FNDC3A: variants seen among roughly 807,000 people sequenced by gnomAD.
The protein encoded by FNDC3A is fibronectin type-III domain-containing protein 3A.
A neutral mutation model predicts 148.9 loss-of-function variants in FNDC3A; 32 were observed. The observed-to-expected ratio is 0.21, with a 90% confidence interval of 0.16 to 0.29. The LOEUF (loss-of-function observed/expected upper bound fraction) is 0.29, where lower values mean the gene tolerates loss of function less well. FNDC3A is among the 10% of genes least tolerant of loss of function. The pLI, the probability that FNDC3A is intolerant of heterozygous loss-of-function variation, is 1.00. For synonymous variants in FNDC3A, 472 were observed against 473.6 expected, an observed-to-expected ratio of 1.00 and a Z score of 0.04; for missense variants, 1,191 against 1,452.8, an observed-to-expected ratio of 0.82 and a Z score of 2.93.
intron 2 of FNDC3A, among the ~76,000 whole-genome samples, chr13:49,070,130 TTTTA>T (rs1391255555): frequency 6.6e-6 from 1 of 152,062 alleles, no homozygotes; most frequent in African/African-American, 2.4e-5. Flanking sequence ...TAAAATTTAT[TTTTA>T]TTTATTTATT....
intron 2 of FNDC3A, among the ~76,000 whole-genome samples, chr13:49,073,102 A>T (rs572885214): frequency 9.8e-4 from 150 of 152,356 alleles, no homozygotes; most frequent in African/African-American, 3.5e-3. Flanking sequence ...TGGACAGCAC[A>T]GCTGTAGATG....
intron 9 of FNDC3A, among the ~76,000 whole-genome samples, chr13:49,168,132 T>C (rs1884572828): frequency 1.3e-5 from 2 of 152,170 alleles, no homozygotes; most frequent in Non-Finnish European, 2.9e-5. Flanking sequence ...CCCCCATTTT[T>C]AAAAAGAGCA....
intron 19 of FNDC3A, among the ~76,000 whole-genome samples, chr13:49,192,718 C>T (rs1223360403): frequency 6.6e-6 from 1 of 152,180 alleles, no homozygotes; most frequent in Non-Finnish European, 1.5e-5. Flanking sequence ...ATCTTTAATA[C>T]TTACGTCTTA....
intron 2 of FNDC3A, among the ~76,000 whole-genome samples, chr13:49,047,240 T>TA (rs1246241811): frequency 6.6e-6 from 1 of 152,158 alleles, no homozygotes; most frequent in African/African-American, 2.4e-5. Context: ...TTGGGCTGGT[T>TA]ACATATTTTT....
chr13:49,132,682 T>C (rs913982915), intron 5 of FNDC3A, among the ~76,000 whole-genome samples: 8 of 152,364 alleles, frequency 5.3e-5, no homozygotes, highest in African/African-American at 1.9e-4. Flanking sequence ...TGCTTCCCCT[T>C]AGTCCCCTTA....
intron 5 of FNDC3A, 146 bp from the exon 6 acceptor site, chr13:49,136,186 A>T (rs963760123): frequency 1.7e-6 from 1 of 603,866 alleles, no homozygotes; most frequent in Non-Finnish European, 2.8e-6. Flanking sequence ...GTTTATGGAG[A>T]CACAAAGGTT....
chr13:49,150,165 C>T (rs1883206788), intron 8 of FNDC3A, among the ~76,000 whole-genome samples: 1 of 152,168 alleles, frequency 6.6e-6, no homozygotes, highest in African/African-American at 2.4e-5. Flanking sequence ...ACTCAAACTC[C>T]TGGGCTCAAG....
chr13:48,979,867 T>TTGTTGTCTCAAGAGCC (rs1951667124), intron 1 of FNDC3A, among the ~76,000 whole-genome samples: 1 of 152,168 alleles, frequency 6.6e-6, no homozygotes, highest in Admixed American at 6.5e-5. Context: ...AATTTTTACA[T>TTGTTGTCTCAAGAGCC]TGTTGTCTCA....
intron 19 of FNDC3A, among the ~76,000 whole-genome samples, chr13:49,195,804 T>G (rs1886118450): frequency 6.6e-6 from 1 of 152,154 alleles, no homozygotes; most frequent in South Asian, 2.1e-4. Context: ...CTCATGCCTG[T>G]AATCCCAGCA....
At chr13:48,999,347 A>G (rs530647133) in intron 1 of FNDC3A, among the ~76,000 whole-genome samples, 1 of 152,224 alleles carries the variant, frequency 6.6e-6, no homozygotes, top group South Asian at 2.1e-4. Flanking sequence ...CTTTAATCTG[A>G]TTTCTACCTT....
chr13:48,984,634 C>T (rs574588955), intron 1 of FNDC3A, among the ~76,000 whole-genome samples: 22 of 152,228 alleles, frequency 1.4e-4, no homozygotes, highest in African/African-American at 4.1e-4. Flanking sequence ...GTACCCACTT[C>T]GTGACACTCT....
chr13:49,021,826 T>G (rs1593482663), intron 2 of FNDC3A, among the ~76,000 whole-genome samples: 1 of 152,156 alleles, frequency 6.6e-6, no homozygotes, highest in Non-Finnish European at 1.5e-5. Flanking sequence ...GGAATAAAAA[T>G]GCAGTATGAT....
chr13:49,092,102 C>T (rs1345433916), intron 3 of FNDC3A, among the ~76,000 whole-genome samples: 5 of 152,208 alleles, frequency 3.3e-5, no homozygotes, highest in Admixed American at 1.3e-4. Flanking sequence ...AGGCTCCAAA[C>T]AGCATCCCTA....
At chr13:49,045,070 C>CCCTTTCCCTTT (rs1875268171) in intron 2 of FNDC3A, 1 of 195,608 alleles carries the variant, frequency 5.1e-6, no homozygotes, top group Non-Finnish European at 1.1e-5. Flanking sequence ...CTTTTCCTTT[C>CCCTTTCCCTTT]CCTTTCCCTT....
At chr13:49,066,794 A>G (rs1372596250) in intron 2 of FNDC3A, among the ~76,000 whole-genome samples, 3 of 151,824 alleles carry the variant, frequency 2.0e-5, no homozygotes, top group Non-Finnish European at 4.4e-5. Flanking sequence ...TGCTGCACCC[A>G]TCAACTGGTC....
At chr13:48,992,897 GTGTT>G (rs763214902) in intron 1 of FNDC3A, among the ~76,000 whole-genome samples, 2 of 152,098 alleles carry the variant, frequency 1.3e-5, no homozygotes, top group Non-Finnish European at 2.9e-5. Context: ...TACTTGATGC[GTGTT>G]TGTTTAATAC....
intron 2 of FNDC3A, among the ~76,000 whole-genome samples, chr13:49,069,035 C>T (rs879258393): frequency 5.3e-5 from 8 of 152,120 alleles, no homozygotes; most frequent in Non-Finnish European, 7.4e-5. Context: ...AACAAACCTA[C>T]ACGTGTACCG....
intron 7 of FNDC3A, among the ~76,000 whole-genome samples, chr13:49,141,386 T>C (rs886639402): frequency 1.3e-5 from 2 of 152,194 alleles, no homozygotes; most frequent in African/African-American, 4.8e-5. Context: ...TTTTACTCAT[T>C]ACCTTTTTGC....
chr13:49,082,037 G>A (rs1189015494), intron 3 of FNDC3A, among the ~76,000 whole-genome samples: 3 of 150,376 alleles, frequency 2.0e-5, no homozygotes, highest in South Asian at 2.1e-4. Flanking sequence ...AGTTGCTAAC[G>A]TTAATAAATG....
Sources: gnomAD v4.1 joint callset for allele counts (sites outside exome capture counted in the v4.1 genomes callset) on GRCh38, gnomAD v4.1.1 for gene constraint, MANE v1.5 for transcripts, NCBI Gene and HGNC (gene_info 2026-07-23, HGNC 2026-07-21) for gene names.